ADGRD1: variants seen among roughly 807,000 people sequenced by gnomAD.
ADGRD1 encodes the protein G-protein coupled receptor 133.
In ADGRD1, 77 loss-of-function variants were observed where a neutral mutation model predicts 113.4. The observed-to-expected ratio is 0.68, with a 90% CI of 0.57 to 0.82. The LOEUF is 0.82. Among genes scored for constraint, ADGRD1 ranks in the 40% least tolerant of loss-of-function variants. ADGRD1 has a pLI of 0.00. For missense variants in ADGRD1, 1,036 were observed against 1,139.1 expected, an observed-to-expected ratio of 0.91 and a Z score of 1.30; for synonymous variants, 474 against 475.0, an observed-to-expected ratio of 1.00 and a Z score of 0.03.
At chr12:131,046,200 GC>G (rs67229639) in intron 13 of ADGRD1, among the ~76,000 whole-genome samples, 40,799 of 65,814 alleles carry the variant, frequency 0.62, 12,639 homozygotes, top group East Asian at 0.83. Context: ...CCTGGTCAGT[GC>G]TCCCTCCCTG....
rs781776056 is a variant in ADGRD1, at chr12:131,076,768, G to A, written c.1474-33G>A. On this transcript the variant is annotated intron_variant, in intron 13 of 24. Coordinates refer to ENST00000261654, the MANE Select transcript of ADGRD1 (RefSeq NM_198827.5). ...GAGAACCAGGGGCCTCTTCAGCAGC[G>A]TCATGCATCGTGTTTGCTTTCTTTC... 10 of 1,597,920 alleles carry A rather than the reference G, an allele frequency of 6.3e-6. No homozygotes were observed. In the East Asian group the frequency reaches 6.7e-5, roughly 11 times the overall value.
chr12:131,082,759 G>A (rs756570741), intron 14 of ADGRD1, among the ~76,000 whole-genome samples: 2 of 152,184 alleles, frequency 1.3e-5, no homozygotes, highest in African/African-American at 4.8e-5. Flanking sequence ...CATCAATTCT[G>A]AAGTTATTAA....
rs1869315505 is a variant in ADGRD1, at chr12:130,954,721, A to G, written c.103+61A>G. On this transcript the variant is annotated intron_variant, in intron 2 of 24. Transcript: ENST00000261654. This position sits in a 1 kb window ranked among gnomAD's most constrained non-coding sequence, Gnocchi z 4.7. ...TCCCCCTGCCTAGTGCAGGTATCTC[A>G]GGAACAGCCCACTTGTTCATCTCTG... The G allele has an allele frequency of 6.8e-7, 1 of 1,472,204 alleles. No individual in the cohort carries two copies. The highest frequency in any genetic ancestry group is 9.5e-7 in the Non-Finnish European group (1 of 1,052,156). The allele number at this position is 1,472,204 out of a possible 1,614,324, so 91.2% of individuals were successfully genotyped here.
rs781022095 is a variant in ADGRD1 at position 130,981,932 on chromosome 12, C to A, written c.359C>A (p.Pro120Gln). ...FWKTQGEQSRPIPSAYGGQVI... is the reference protein window; with the variant it reads ...FWKTQGEQSRQIPSAYGGQVI... ...AAGACACAAGGAGAACAGTCTAGAC[C>A]AATCCCTTCTGCGTATGGGGGACAG... is the stretch of plus-strand genomic sequence containing the variant. Residue 120 changes from proline to glutamine, a missense_variant, in exon 5 of 25, where the codon CCA becomes CAA. Coordinates refer to ENST00000261654, the MANE Select transcript of ADGRD1 (RefSeq NM_198827.5). The A allele has an allele frequency of 1.9e-6, 3 of 1,613,834 alleles. No homozygotes were observed. Among genetic ancestry groups the A allele is most frequent in the Non-Finnish European group, 2.5e-6 (3 of 1,179,700 alleles).
intron 15 of ADGRD1, among the ~76,000 whole-genome samples, chr12:131,101,585 A>G (rs1950088690): frequency 6.6e-6 from 1 of 151,076 alleles, no homozygotes; most frequent in South Asian, 2.1e-4. Context: ...ACGGGATTTC[A>G]CCATGTTGGC....
chr12:131,042,800 T>A (rs1882273403), intron 13 of ADGRD1, among the ~76,000 whole-genome samples: 1 of 152,242 alleles, frequency 6.6e-6, no homozygotes, highest in Admixed American at 6.5e-5. Flanking sequence ...AGCCAGAGTT[T>A]GAAATTGATG....
intron 4 of ADGRD1, among the ~76,000 whole-genome samples, chr12:130,974,901 T>C (rs149424201): frequency 3.4e-4 from 52 of 152,220 alleles, no homozygotes; most frequent in Non-Finnish European, 3.2e-4. Context: ...TAGGAGCTAC[T>C]GTGGGTCCTG....
intron 15 of ADGRD1, among the ~76,000 whole-genome samples, chr12:131,098,887 C>T (rs1211876623): frequency 3.3e-5 from 5 of 152,230 alleles, no homozygotes; most frequent in Non-Finnish European, 7.3e-5. Context: ...GGGGCCATCA[C>T]GGGTCAGCCC....
intron 17 of ADGRD1, among the ~76,000 whole-genome samples, chr12:131,108,286 T>C (rs1950276862): frequency 6.6e-6 from 1 of 152,170 alleles, no homozygotes; most frequent in Non-Finnish European, 1.5e-5. Flanking sequence ...GGCGGCAGGC[T>C]CCACACCTCT....
Position 131,050,939 on chromosome 12 carries a change from G to C in ADGRD1, c.1474-25862G>C, listed in dbSNP as rs925784787. Among the ~76,000 whole-genome samples the C allele has an allele frequency of 1.3e-5, 2 of 152,180 alleles. No individual in the cohort carries two copies. Among genetic ancestry groups the C allele is most frequent in the Non-Finnish European group, 2.9e-5 (2 of 68,042 alleles). On this transcript the variant is annotated intron_variant, in intron 13 of 24. Transcript: ENST00000261654. The surrounding 1 kb of genome is among the most constrained non-coding windows in gnomAD (Gnocchi z 4.8). ...AGGTGGGAATGCCTGCTTGCCCACC[G>C]CTCTGTGTGCTGTGTGCCCGGTTCC... is the stretch of plus-strand genomic sequence containing the variant.
chr12:131,077,242 G>C (rs1411382398), intron 14 of ADGRD1, among the ~76,000 whole-genome samples: 1 of 152,188 alleles, frequency 6.6e-6, no homozygotes, highest in East Asian at 1.9e-4. Context: ...CTGAGGAAGG[G>C]GGTTGGGGGA....
intron 13 of ADGRD1, among the ~76,000 whole-genome samples, chr12:131,037,420 G>A (rs1881618968): frequency 7.2e-6 from 1 of 138,256 alleles, no homozygotes; most frequent in Admixed American, 7.4e-5. Flanking sequence ...CACTGCACTG[G>A]GTCTCACTGC....
At chr12:131,127,074 G>GA (rs753788101) in intron 20 of ADGRD1, among the ~76,000 whole-genome samples, 5 of 151,848 alleles carry the variant, frequency 3.3e-5, no homozygotes, top group East Asian at 1.9e-4. Flanking sequence ...TGATAAGATG[G>GA]AAAAAATGTG....
chr12:131,086,542 A>G (rs995814842), intron 15 of ADGRD1, among the ~76,000 whole-genome samples: 1 of 152,226 alleles, frequency 6.6e-6, no homozygotes, highest in Non-Finnish European at 1.5e-5. Flanking sequence ...TCTCAGATCA[A>G]TGGAGACAGG....
At chr12:131,044,209 G>T (rs981656821) in intron 13 of ADGRD1, among the ~76,000 whole-genome samples, 5 of 152,242 alleles carry the variant, frequency 3.3e-5, no homozygotes, top group Non-Finnish European at 5.9e-5. Context: ...GGGAAGTGGT[G>T]TTAGGACCAT....
intron 4 of ADGRD1, chr12:130,977,034 T>C (rs1872400938): frequency 6.6e-6 from 1 of 152,108 alleles, no homozygotes; most frequent in South Asian, 2.1e-4. Context: ...TCAAAAAAAT[T>C]CAACCTTTAT....
intron 13 of ADGRD1, among the ~76,000 whole-genome samples, chr12:131,025,232 C>T (rs1012987474): frequency 5.3e-5 from 8 of 152,098 alleles, no homozygotes; most frequent in Non-Finnish European, 1.0e-4. Context: ...TTTATCATAC[C>T]GAAAGAGGAT....
intron 13 of ADGRD1, chr12:131,069,901 G>C (rs2137127770): frequency 6.6e-6 from 1 of 152,306 alleles, no homozygotes; most frequent in Middle Eastern, 3.4e-3. Context: ...AATTATTATT[G>C]CATGTATGAA....
At chr12:131,025,135 T>C (rs1248370630) in intron 13 of ADGRD1, among the ~76,000 whole-genome samples, 1 of 152,206 alleles carries the variant, frequency 6.6e-6, no homozygotes, top group Non-Finnish European at 1.5e-5. Flanking sequence ...GCAGTCCCCG[T>C]TTTAATGGTT....
Sources: allele counts gnomAD v4.1 joint callset (sites outside exome capture counted in the v4.1 genomes callset), GRCh38; gene constraint gnomAD v4.1.1; non-coding constraint Gnocchi (gnomAD v3.1); transcripts MANE v1.5; gene names NCBI Gene and HGNC (gene_info 2026-07-23, HGNC 2026-07-21).